Variants in TMEM123 observed in about 807,000 individuals in gnomAD.
TMEM123 encodes transmembrane protein 123.
A neutral mutation model predicts 19.7 loss-of-function variants in TMEM123; 16 were observed. The ratio of observed to expected loss-of-function variants is 0.81; its 90% confidence interval spans 0.55 to 1.23. TMEM123 has a LOEUF of 1.23. Among genes scored for constraint, TMEM123 ranks in the 50% most tolerant of loss-of-function variants. TMEM123 has a pLI of 0.00. For synonymous variants in TMEM123, 118 were observed against 99.4 expected (o/e 1.19, Z -1.12); for missense variants, 313 against 257.8 (o/e 1.21, Z -1.47).
intron 2 of TMEM123, among the ~76,000 whole-genome samples, chr11:102,431,016 A>T (rs1218636588): frequency 5.3e-5 from 8 of 152,228 alleles, no homozygotes; most frequent in Admixed American, 2.6e-4. Context: ...GTAATAGACT[A>T]AAAAAGTCAT....
At position 102,401,651 on chromosome 11, in the gene TMEM123, A is replaced by C; in HGVS notation, c.490T>G (p.Phe164Val). Residue 164 changes from phenylalanine to valine, a missense_variant, in exon 4 of 5, where the codon TTT (phenylalanine) becomes GTT (valine). Coordinates refer to ENST00000398136, the MANE Select transcript of TMEM123 (RefSeq NM_052932.3). ...MHSEAKKGSKFDTGSFVGGIV... is the reference protein window; with the variant it reads ...MHSEAKKGSKVDTGSFVGGIV... Reference sequence around the variant, plus strand: ...CCACCAACAAAGCTCCCAGTATCAAATTTTGATCCTTTCTTTGCTTCAGAA... The same window carrying C: ...CCACCAACAAAGCTCCCAGTATCAACTTTTGATCCTTTCTTTGCTTCAGAA... 1 of 1,607,550 alleles carries C rather than the reference A, an allele frequency of 6.2e-7. No homozygotes were observed. The highest frequency in any genetic ancestry group is 1.1e-5 in the South Asian group (1 of 89,144).
Position 102,398,446 on chromosome 11 carries a change from C to T in TMEM123, c.*421G>A, listed in dbSNP as rs1951879535. The T allele has an allele frequency of 5.0e-6, 2 of 401,886 alleles. No individual in the cohort carries two copies. The highest frequency in any genetic ancestry group is 8.7e-6 in the Non-Finnish European group (2 of 229,000). 24.9% of individuals were successfully genotyped at this position (401,886 alleles called of 1,614,324 possible). A position where few individuals can be genotyped will look rare whatever the true frequency, so the allele number is the denominator to read the frequency against. On this transcript the variant is annotated 3_prime_UTR_variant, in exon 5 of 5. Transcript: ENST00000398136. ...TTAAGATATATCCAGCTCTGAAAAGCACTGAAGTTCTTTATGTGAGCTACA... is the reference window on the plus strand; with the variant it reads ...TTAAGATATATCCAGCTCTGAAAAGTACTGAAGTTCTTTATGTGAGCTACA...
intron 2 of TMEM123, among the ~76,000 whole-genome samples, chr11:102,423,204 A>G (rs1952100446): frequency 6.6e-6 from 1 of 152,252 alleles, no homozygotes; most frequent in Non-Finnish European, 1.5e-5. Flanking sequence ...AGATACAGCT[A>G]TACATACTGT....
At chr11:102,426,267 G>C (rs1016949255) in intron 2 of TMEM123, among the ~76,000 whole-genome samples, 1 of 152,100 alleles carries the variant, frequency 6.6e-6, no homozygotes, top group African/African-American at 2.4e-5. Flanking sequence ...TGTTTAGATC[G>C]TTCTTAACAA....
At chr11:102,437,653 C>G (rs967553829) in intron 2 of TMEM123, among the ~76,000 whole-genome samples, 1 of 151,972 alleles carries the variant, frequency 6.6e-6, no homozygotes, top group Non-Finnish European at 1.5e-5. Context: ...ATTATTGTAT[C>G]TGCTGTCTTG....
In TMEM123 at chr11:102,396,760, T is replaced by TAC. The variant is rs1591550818; in HGVS notation, c.*2105_*2106dup. ...TTTGAAAGTAACAAATTATACTACT[T>TAC]ACATACAGAGAAAAAGACATAACTA... On this transcript the variant is annotated 3_prime_UTR_variant, in exon 5 of 5. Transcript: ENST00000398136. 6.6e-6 allele frequency: 1 copy of TAC among 152,176 alleles called. No individual in the cohort carries two copies. Among genetic ancestry groups the TAC allele is most frequent in the African/African-American group, 2.4e-5 (1 of 41,440 alleles). 9.4% of individuals were successfully genotyped at this position (152,176 alleles called of 1,614,324 possible).
chr11:102,421,519 CAA>C (rs796847554), intron 2 of TMEM123, among the ~76,000 whole-genome samples: 1 of 140,962 alleles, frequency 7.1e-6, no homozygotes. Context: ...ATTCAGTCAG[CAA>C]AAAAAAAAAC....
intron 2 of TMEM123, among the ~76,000 whole-genome samples, chr11:102,420,139 C>A (rs1471665547): frequency 6.6e-6 from 1 of 152,196 alleles, no homozygotes; most frequent in Non-Finnish European, 1.5e-5. Flanking sequence ...AGATCCCTTC[C>A]CCATCCTCAT....
intron 2 of TMEM123, among the ~76,000 whole-genome samples, chr11:102,442,246 AAAAGAATTTTAGACC>A (rs1191454663): frequency 6.6e-6 from 1 of 152,010 alleles, no homozygotes; most frequent in African/African-American, 2.4e-5. Flanking sequence ...GAGACACAAC[AAAAGAATTTTAGACC>A]AATATCCCTG....
At chr11:102,430,610 T>C (rs1161919535) in intron 2 of TMEM123, among the ~76,000 whole-genome samples, 1 of 151,888 alleles carries the variant, frequency 6.6e-6, no homozygotes, top group Non-Finnish European at 1.5e-5. Flanking sequence ...CATGCAAAGG[T>C]CTCATGGCAG....
intron 2 of TMEM123, among the ~76,000 whole-genome samples, chr11:102,446,677 A>C (rs922233676): frequency 2.0e-5 from 3 of 152,234 alleles, no homozygotes; most frequent in African/African-American, 7.2e-5. Context: ...AATAAATCAT[A>C]GATTTCACTC....
At chr11:102,422,598 A>G (rs1485106939) in intron 2 of TMEM123, among the ~76,000 whole-genome samples, 2 of 152,180 alleles carry the variant, frequency 1.3e-5, no homozygotes, top group Non-Finnish European at 2.9e-5. Context: ...AATAACCACT[A>G]TCTTGAATTC....
chr11:102,448,811 C>T lies in TMEM123; in HGVS notation c.157+1G>A. ...TGTTTTTTTAATCTTTTAAAACTCA[C>T]CTGTTGAGTTAGCACTGGAGTTGTG... On this transcript the variant is annotated splice_donor_variant, in intron 2 of 4. Coordinates refer to ENST00000398136, the MANE Select transcript of TMEM123 (RefSeq NM_052932.3). LOFTEE classifies it high-confidence loss of function. The T allele has an allele frequency of 6.2e-7, 1 of 1,613,240 alleles. No homozygotes were observed. The highest frequency in any genetic ancestry group is 8.5e-7 in the Non-Finnish European group (1 of 1,179,492).
chr11:102,400,756 G>C (rs1324755127), intron 4 of TMEM123, among the ~76,000 whole-genome samples: 1 of 152,166 alleles, frequency 6.6e-6, no homozygotes, highest in East Asian at 1.9e-4. Context: ...TGTGAAGAAG[G>C]CCCTTACTAG....
At chr11:102,429,393 C>A (rs1423601493) in intron 2 of TMEM123, among the ~76,000 whole-genome samples, 2 of 152,118 alleles carry the variant, frequency 1.3e-5, no homozygotes, top group Non-Finnish European at 2.9e-5. Context: ...TCCTCCTTTA[C>A]AACAGAATGC....
At chr11:102,408,366 G>T (rs745307646) in intron 2 of TMEM123, among the ~76,000 whole-genome samples, 9 of 152,176 alleles carry the variant, frequency 5.9e-5, no homozygotes, top group Non-Finnish European at 1.0e-4. Flanking sequence ...TAATTTTTCT[G>T]TGATTAGAAT....
chr11:102,423,433 T>C (rs1181482535), intron 2 of TMEM123, among the ~76,000 whole-genome samples: 1 of 152,172 alleles, frequency 6.6e-6, no homozygotes, highest in African/African-American at 2.4e-5. Flanking sequence ...CCTGGCATGA[T>C]GCTGTGAAGA....
In TMEM123 at chr11:102,398,645, C is replaced by A; in HGVS notation, c.*222G>T. ...TTGTCTTACTATGAACTTGCTAAAACCATTGTATGAACGGTCTATAAGGAT... is the reference window on the plus strand; with the variant it reads ...TTGTCTTACTATGAACTTGCTAAAAACATTGTATGAACGGTCTATAAGGAT... On this transcript the variant is annotated 3_prime_UTR_variant, in exon 5 of 5. Transcript: ENST00000398136. 4.0e-6 allele frequency: 2 copies of A among 501,530 alleles called. No individual in the cohort carries two copies. Among genetic ancestry groups the A allele is most frequent in the Non-Finnish European group, 6.6e-6 (2 of 304,042 alleles). 31.1% of individuals were successfully genotyped at this position (501,530 alleles called of 1,614,324 possible).
chr11:102,441,388 C>T (rs551718116), intron 2 of TMEM123, among the ~76,000 whole-genome samples: 84 of 152,314 alleles, frequency 5.5e-4, no homozygotes, highest in African/African-American at 1.9e-3. Flanking sequence ...GATTAAGAAA[C>T]TCACTCAAAA....
Sources: allele counts gnomAD v4.1 joint callset (sites outside exome capture counted in the v4.1 genomes callset), GRCh38; gene constraint gnomAD v4.1.1; transcripts MANE v1.5; gene names NCBI Gene and HGNC (gene_info 2026-07-23, HGNC 2026-07-21).